The following RTKN2 variants were observed in gnomAD, a reference collection of about 807,000 sequenced individuals.
The protein encoded by RTKN2 is rhotekin-2.
Under a neutral mutation model 71.5 loss-of-function variants are expected in RTKN2, and 69 were observed. The ratio of observed to expected loss-of-function variants is 0.96; its 90% confidence interval spans 0.79 to 1.18. RTKN2 has a LOEUF of 1.18. RTKN2 is among the 50% of genes most tolerant of loss of function. The probability of loss-of-function intolerance (pLI) is 0.00; values close to 1 mark genes in which losing one functional copy is unlikely to be tolerated. For synonymous variants in RTKN2, 236 were observed against 236.5 expected (o/e 1.00, Z 0.02); for missense variants, 724 against 719.7 (o/e 1.01, Z -0.07).
At chr10:62,222,554 T>C (rs887423353) in intron 7 of RTKN2, among the ~76,000 whole-genome samples, 3 of 152,192 alleles carry the variant, frequency 2.0e-5, no homozygotes, top group Non-Finnish European at 2.9e-5. Context: ...CAACAGTAAG[T>C]ATAATTAGGA....
chr10:62,206,355 C>A (rs1188667434), intron 9 of RTKN2, among the ~76,000 whole-genome samples: 1 of 152,050 alleles, frequency 6.6e-6, no homozygotes, highest in Non-Finnish European at 1.5e-5. Context: ...ACACCAAAAC[C>A]CACATATACA....
chr10:62,261,362 C>A (rs1390938730), intron 2 of RTKN2, among the ~76,000 whole-genome samples: 1 of 152,158 alleles, frequency 6.6e-6, no homozygotes. Flanking sequence ...GCTATCCCGG[C>A]AGGGCACAGT....
In RTKN2 at chr10:62,195,080, G is replaced by A. The variant is rs765632500; in HGVS notation, c.*2828C>T. ...ATTAAAATACAAAAGTTACCACTTA[G>A]TAGCAATTAAAAATAATACTATCTT... On this transcript the variant is annotated 3_prime_UTR_variant, in exon 12 of 12. Coordinates refer to ENST00000373789, the MANE Select transcript of RTKN2 (RefSeq NM_145307.4). 5.5e-5 allele frequency: 54 copies of A among 984,008 alleles called. No individual in the cohort carries two copies. The highest frequency in any genetic ancestry group is 6.5e-5 in the Non-Finnish European group (54 of 828,754). 61.0% of individuals were successfully genotyped at this position (984,008 alleles called of 1,614,324 possible). A position where few individuals can be genotyped will look rare whatever the true frequency, so the allele number is the denominator to read the frequency against.
chr10:62,208,684 C>CA (rs1220634910), intron 9 of RTKN2, among the ~76,000 whole-genome samples: 5 of 151,578 alleles, frequency 3.3e-5, no homozygotes, highest in Admixed American at 1.3e-4. Context: ...AACAAACAAA[C>CA]AAAAAAACAA....
At chr10:62,187,449 G>A (rs1259806301) in intron 8 of RTKN2, among the ~76,000 whole-genome samples, 1 of 152,032 alleles carries the variant, frequency 6.6e-6, no homozygotes, top group South Asian at 2.1e-4. Flanking sequence ...TCACCCTTCA[G>A]AGCCCTCAGG....
chr10:62,197,808 TCACTATATTTACCTATATAATTACA>T lies in RTKN2; in HGVS notation c.*75_*99del. ...ATAGCTTATTAATTATTGGTATAAATCACTATATTTACCTATATAATTACACATTATTCTATAATGCCTCTGAATT... is the reference window on the plus strand; with the variant it reads ...ATAGCTTATTAATTATTGGTATAAATCATTATTCTATAATGCCTCTGAATT... On this transcript the variant is annotated 3_prime_UTR_variant, in exon 12 of 12. Transcript: ENST00000373789. 2 of 1,440,430 alleles carry T rather than the reference TCACTATATTTACCTATATAATTACA, an allele frequency of 1.4e-6. No individual in the cohort carries two copies. The highest frequency in any genetic ancestry group is 1.8e-6 in the Non-Finnish European group (2 of 1,093,682). 89.2% of individuals were successfully genotyped at this position (1,440,430 alleles called of 1,614,324 possible). A position where few individuals can be genotyped will look rare whatever the true frequency, so the allele number is the denominator to read the frequency against.
At chr10:62,207,787 G>T (rs1313479023) in intron 9 of RTKN2, among the ~76,000 whole-genome samples, 2 of 151,660 alleles carry the variant, frequency 1.3e-5, no homozygotes, top group Admixed American at 6.6e-5. Context: ...CTCAAATAAT[G>T]ATTAAAAAGT....
At position 62,193,711 on chromosome 10, in the gene RTKN2, T is replaced by C; in HGVS notation, c.*4197A>G. The C allele has an allele frequency of 2.0e-6, 2 of 985,258 alleles. No individual in the cohort carries two copies. The highest frequency in any genetic ancestry group is 2.4e-6 in the Non-Finnish European group (2 of 829,778). The allele number at this position is 985,258 out of a possible 1,614,324, so 61.0% of individuals were successfully genotyped here. ...TGTGGCTAGTAGCGACTGAATATCCTACGTACCTAATTTACTGCAGTGGCT... is the reference window on the plus strand; with the variant it reads ...TGTGGCTAGTAGCGACTGAATATCCCACGTACCTAATTTACTGCAGTGGCT... On this transcript the variant is annotated 3_prime_UTR_variant, in exon 12 of 12. Transcript: ENST00000373789.
intron 1 of RTKN2, 91 bp from the exon 2 acceptor site, chr10:62,262,912 A>G (rs1842800888): frequency 9.9e-6 from 7 of 704,746 alleles, no homozygotes; most frequent in East Asian, 5.5e-5. Flanking sequence ...ATAATTGTAT[A>G]CCATATTGAG....
At chr10:62,206,680 T>A (rs1028668837) in intron 9 of RTKN2, among the ~76,000 whole-genome samples, 7 of 152,078 alleles carry the variant, frequency 4.6e-5, no homozygotes, top group African/African-American at 1.7e-4. Context: ...CTTAATTTTA[T>A]CATAATAGAG....
chr10:62,218,256 C>T lies in RTKN2; in HGVS notation c.827G>A (p.Arg276Gln), dbSNP rs780693084. 2.8e-5 allele frequency: 45 copies of T among 1,613,008 alleles called. No individual in the cohort carries two copies. Among genetic ancestry groups the T allele is most frequent in the Non-Finnish European group, 3.4e-5 (40 of 1,179,616 alleles). Residue 276 changes from arginine (R) to glutamine (Q), a missense_variant, in exon 8 of 12, where the codon CGA (arginine) becomes CAA (glutamine). Transcript: ENST00000373789. ...CATACAAGCTGGCTGGGCAACTAGTCGGCAGCACATGTTGCCATACAGGGG... is the reference window on the plus strand; with the variant it reads ...CATACAAGCTGGCTGGGCAACTAGTTGGCAGCACATGTTGCCATACAGGGG... ...WLPLYGNMCC[R>Q]LVAQPACMAE...
At chr10:62,258,745 A>G (rs1842719426) in intron 2 of RTKN2, among the ~76,000 whole-genome samples, 2 of 152,220 alleles carry the variant, frequency 1.3e-5, no homozygotes, top group South Asian at 2.1e-4. Flanking sequence ...ATACATGTGT[A>G]TATGTAACAT....
intron 1 of RTKN2, among the ~76,000 whole-genome samples, chr10:62,266,966 C>T (rs7076551): frequency 0.73 from 110,862 of 152,184 alleles, 40,698 homozygotes; most frequent in East Asian, 0.9. Context: ...AGGGTTTCAG[C>T]AGAGGTGTTT....
intron 6 of RTKN2, among the ~76,000 whole-genome samples, chr10:62,234,277 C>T (rs1842209938): frequency 6.6e-6 from 1 of 152,014 alleles, no homozygotes; most frequent in Non-Finnish European, 1.5e-5. Context: ...GTAATCCCAG[C>T]ACTTTGGGAA....
At chr10:62,238,858 T>C (rs977155437) in intron 5 of RTKN2, 2 of 152,032 alleles carry the variant, frequency 1.3e-5, no homozygotes, top group East Asian at 3.8e-4. Flanking sequence ...GCAAAAACCA[T>C]GCACATGGAT....
chr10:62,263,634 T>C (rs144522039), intron 1 of RTKN2, among the ~76,000 whole-genome samples: 43 of 152,266 alleles, frequency 2.8e-4, no homozygotes, highest in Middle Eastern at 3.4e-3. Flanking sequence ...AGATACTGAG[T>C]AAAGGAGCCA....
chr10:62,218,198 C>T lies in RTKN2; in HGVS notation c.885G>A (p.Gln295=). 1 of 1,603,890 alleles carries T rather than the reference C, an allele frequency of 6.2e-7. No individual in the cohort carries two copies. The highest frequency in any genetic ancestry group is 8.5e-7 in the Non-Finnish European group (1 of 1,171,216). Residue 295 remains glutamine (Q), a synonymous_variant, in exon 8 of 12, where the codon CAG becomes CAA. Transcript: ENST00000373789. ...AEDAFAGFLN[Q]QQMVEGLISW... ...AGGATATTTAAAGTCCTCTAACCTGCTGATTAAGAAATCCTGCAAATGCAT... is the reference window on the plus strand; with the variant it reads ...AGGATATTTAAAGTCCTCTAACCTGTTGATTAAGAAATCCTGCAAATGCAT...
At chr10:62,189,722 AG>A (rs1841190290), downstream of RTKN2, among the ~76,000 whole-genome samples, 1 of 152,092 alleles carries the variant, frequency 6.6e-6, no homozygotes. Context: ...GCTACTCGGG[AG>A]GCTGAGGGAG....
intron 8 of RTKN2, among the ~76,000 whole-genome samples, chr10:62,187,201 GTGAC>G (rs750731294): frequency 9.9e-5 from 15 of 151,644 alleles, no homozygotes; most frequent in Non-Finnish European, 2.2e-4. Context: ...TAACCTTTGA[GTGAC>G]TGATTCAGAG....
Sources: allele counts gnomAD v4.1 joint callset (sites outside exome capture counted in the v4.1 genomes callset), GRCh38; gene constraint gnomAD v4.1.1; transcripts MANE v1.5; gene names NCBI Gene and HGNC (gene_info 2026-07-23, HGNC 2026-07-21).